The following UNC5C variants were observed in gnomAD, a reference collection of about 807,000 sequenced individuals.
UNC5C encodes the protein unc-5 netrin receptor C, also known as netrin receptor UNC5C.
A neutral mutation model predicts 99.8 loss-of-function variants in UNC5C; 47 were observed. The observed-to-expected ratio is 0.47, with a 90% CI of 0.37 to 0.60. The LOEUF (loss-of-function observed/expected upper bound fraction) is 0.60, where lower values mean the gene tolerates loss of function less well. Ranked by LOEUF, UNC5C falls within the 20% of genes least tolerant of loss-of-function variation. The probability of loss-of-function intolerance (pLI) is 0.00; values close to 1 mark genes in which losing one functional copy is unlikely to be tolerated. For missense variants in UNC5C, 1,062 were observed against 1,165.9 expected (o/e 0.91, Z 1.30); for synonymous variants, 487 against 452.2 (o/e 1.08, Z -0.98).
intron 4 of UNC5C, among the ~76,000 whole-genome samples, chr4:95,254,304 C>T (rs1243108818): frequency 6.6e-6 from 1 of 152,202 alleles, no homozygotes; most frequent in Admixed American, 6.5e-5. Flanking sequence ...GACCCTCCAT[C>T]CTGCAATGAC....
intron 3 of UNC5C, among the ~76,000 whole-genome samples, chr4:95,281,400 T>A (rs1741055424): frequency 6.6e-6 from 1 of 152,146 alleles, no homozygotes; most frequent in Admixed American, 6.5e-5. Flanking sequence ...TCTGTCATGC[T>A]ATGGAAAGGC....
At chr4:95,356,451 A>C (rs1471269239) in intron 1 of UNC5C, among the ~76,000 whole-genome samples, 1 of 152,140 alleles carries the variant, frequency 6.6e-6, no homozygotes, top group Non-Finnish European at 1.5e-5. Flanking sequence ...GGTGAAAGGA[A>C]CATTGAACCA....
intron 1 of UNC5C, among the ~76,000 whole-genome samples, chr4:95,419,505 G>A (rs1026119595): frequency 1.3e-5 from 2 of 152,148 alleles, no homozygotes. Context: ...AAGAGATTGT[G>A]TTCCCTCCAA....
chr4:95,166,360 A>G lies in UNC5C; in HGVS notation c.*2874T>C, dbSNP rs1206283277. On this transcript the variant is annotated 3_prime_UTR_variant, in exon 16 of 16. Coordinates refer to ENST00000453304, the MANE Select transcript of UNC5C (RefSeq NM_003728.4). ...GAAAATTATTTGGTATAAATAGTGT[A>G]TGTATGGAAGTTGTCATTCACTTAA... 1 of 152,228 alleles carries G rather than the reference A, an allele frequency of 6.6e-6. No individual in the cohort carries two copies. Among genetic ancestry groups the G allele is most frequent in the Non-Finnish European group, 1.5e-5 (1 of 68,038 alleles). The allele number at this position is 152,228 out of a possible 1,614,324, so 9.4% of individuals were successfully genotyped here.
intron 14 of UNC5C, 33 bp downstream of exon 14, chr4:95,182,864 T>TC: frequency 1.3e-6 from 2 of 1,592,046 alleles, no homozygotes; most frequent in Non-Finnish European, 1.7e-6. Context: ...TGTCGCACTC[T>TC]CCCCTGATTT....
intron 1 of UNC5C, among the ~76,000 whole-genome samples, chr4:95,354,801 T>C (rs1307195176): frequency 6.6e-6 from 1 of 152,164 alleles, no homozygotes; most frequent in East Asian, 1.9e-4. Context: ...TCATTTCTTT[T>C]AGGAAGTTTT....
At chr4:95,239,588 T>C (rs1298186761) in intron 7 of UNC5C, among the ~76,000 whole-genome samples, 2 of 152,182 alleles carry the variant, frequency 1.3e-5, no homozygotes, top group Non-Finnish European at 2.9e-5. Flanking sequence ...CCGTTACCTC[T>C]CTAGCTTGGA....
chr4:95,309,777 C>A (rs1255019522), intron 2 of UNC5C, among the ~76,000 whole-genome samples: 1 of 152,094 alleles, frequency 6.6e-6, no homozygotes, highest in Middle Eastern at 3.2e-3. Flanking sequence ...CAAAAGATAA[C>A]AAGTGTTGGC....
intron 1 of UNC5C, among the ~76,000 whole-genome samples, chr4:95,499,420 C>G (rs1238634116): frequency 6.6e-6 from 1 of 152,098 alleles, no homozygotes; most frequent in Non-Finnish European, 1.5e-5. Flanking sequence ...GGTATTGCTT[C>G]TATCCAAGCA....
intron 1 of UNC5C, among the ~76,000 whole-genome samples, chr4:95,540,965 T>A (rs1722903105): frequency 6.6e-6 from 1 of 152,208 alleles, no homozygotes; most frequent in African/African-American, 2.4e-5. Context: ...TAAAATATAA[T>A]CTTTGATCTA....
intron 10 of UNC5C, among the ~76,000 whole-genome samples, chr4:95,211,608 T>G (rs1032493816): frequency 6.6e-6 from 1 of 152,222 alleles, no homozygotes; most frequent in African/African-American, 2.4e-5. Context: ...GCGGATCTTG[T>G]AACTTAACAC....
chr4:95,500,589 G>C (rs1721752680), intron 1 of UNC5C, among the ~76,000 whole-genome samples: 1 of 152,068 alleles, frequency 6.6e-6, no homozygotes, highest in African/African-American at 2.4e-5. Context: ...AGGTTCCTCA[G>C]CTGCATAAAC....
intron 1 of UNC5C, among the ~76,000 whole-genome samples, chr4:95,407,263 A>T (rs1745856616): frequency 6.6e-6 from 1 of 152,090 alleles, no homozygotes; most frequent in Admixed American, 6.5e-5. Context: ...GTTTTTTGGG[A>T]TACGAGGGCA....
At chr4:95,333,382 T>C (rs572848320) in intron 2 of UNC5C, among the ~76,000 whole-genome samples, 15 of 152,188 alleles carry the variant, frequency 9.9e-5, no homozygotes, top group African/African-American at 1.9e-4. Flanking sequence ...CATGGAATAC[T>C]ATGCAGTCAT....
At chr4:95,268,187 G>T (rs921616841) in intron 4 of UNC5C, among the ~76,000 whole-genome samples, 2 of 151,408 alleles carry the variant, frequency 1.3e-5, no homozygotes, top group African/African-American at 4.9e-5. Flanking sequence ...TGATCCACCC[G>T]CTCGGCCTCC....
At chr4:95,245,349 T>C (rs1739465901) in intron 5 of UNC5C, among the ~76,000 whole-genome samples, 1 of 152,152 alleles carries the variant, frequency 6.6e-6, no homozygotes, top group Non-Finnish European at 1.5e-5. Context: ...AAAAAGTTTG[T>C]CAAGATTTAC....
chr4:95,385,150 T>C (rs1745179248), intron 1 of UNC5C, among the ~76,000 whole-genome samples: 1 of 152,168 alleles, frequency 6.6e-6, no homozygotes, highest in Admixed American at 6.6e-5. Context: ...CAGTGCTTTG[T>C]AGACTTGCAG....
At chr4:95,262,435 A>G (rs766059466) in intron 4 of UNC5C, among the ~76,000 whole-genome samples, 13 of 152,234 alleles carry the variant, frequency 8.5e-5, no homozygotes, top group Non-Finnish European at 1.6e-4. Flanking sequence ...TATAAATGAC[A>G]GATAGAAATG....
intron 2 of UNC5C, among the ~76,000 whole-genome samples, chr4:95,320,093 T>G (rs767585482): frequency 4.6e-5 from 7 of 152,184 alleles, no homozygotes; most frequent in Non-Finnish European, 7.3e-5. Context: ...TAATCTGTTT[T>G]GTATGACAAC....
Sources: allele counts gnomAD v4.1 joint callset (sites outside exome capture counted in the v4.1 genomes callset), GRCh38; gene constraint gnomAD v4.1.1; transcripts MANE v1.5; gene names NCBI Gene and HGNC (gene_info 2026-07-23, HGNC 2026-07-21).